SMCO4: variants seen among roughly 807,000 people sequenced by gnomAD.
The protein encoded by SMCO4 is single-pass membrane and coiled-coil domain-containing protein 4.
Under a neutral mutation model 3.6 loss-of-function variants are expected in SMCO4, and 4 were observed. The ratio of observed to expected loss-of-function variants is 1.11; its 90% CI spans 0.54 to 2.53. SMCO4 has a LOEUF of 2.53. Among genes scored for constraint, SMCO4 ranks in the 30% most tolerant of loss-of-function variants. The pLI, the probability that SMCO4 is intolerant of heterozygous loss-of-function variation, is 0.02. For synonymous variants in SMCO4, 36 were observed against 35.3 expected (o/e 1.02, Z -0.07); for missense variants, 70 against 80.8 (o/e 0.87, Z 0.51).
At chr11:93,546,650 G>A (rs759298525), upstream of SMCO4, among the ~76,000 whole-genome samples, 1 of 152,206 alleles carries the variant, frequency 6.6e-6, no homozygotes, top group Non-Finnish European at 1.5e-5. Flanking sequence ...GAACTGGGAT[G>A]ACCAATTCAC....
intron 1 of SMCO4, among the ~76,000 whole-genome samples, chr11:93,501,165 T>C (rs2134597097): frequency 6.6e-6 from 1 of 152,356 alleles, no homozygotes; most frequent in Admixed American, 6.5e-5. Context: ...ACAGGAGTTC[T>C]GCAAACCAGT....
At chr11:93,516,335 A>G (rs1949007610) in intron 1 of SMCO4, among the ~76,000 whole-genome samples, 1 of 152,196 alleles carries the variant, frequency 6.6e-6, no homozygotes, top group Non-Finnish European at 1.5e-5. Context: ...ATAACTGCTA[A>G]GCTCTGTTCT....
chr11:93,552,936 C>T, the SMCO4 span, among the ~76,000 whole-genome samples: 150 of 152,132 alleles, frequency 9.9e-4, no homozygotes, highest in African/African-American at 3.4e-3. Context: ...GCAACTTTCC[C>T]CTAGTGAAGG....
chr11:93,530,471 A>G (rs927103515), intron 1 of SMCO4, among the ~76,000 whole-genome samples: 4 of 152,196 alleles, frequency 2.6e-5, no homozygotes, highest in African/African-American at 9.7e-5. Context: ...GCTGCAAAAT[A>G]TCTAGGCACA....
chr11:93,535,196 C>T (rs886889839), intron 1 of SMCO4, among the ~76,000 whole-genome samples: 1 of 152,156 alleles, frequency 6.6e-6, no homozygotes, highest in Non-Finnish European at 1.5e-5. Context: ...ATTAAAATGT[C>T]CTATTACCAT....
intron 1 of SMCO4, among the ~76,000 whole-genome samples, chr11:93,507,690 G>A (rs1364811925): frequency 6.6e-6 from 1 of 152,172 alleles, no homozygotes; most frequent in Admixed American, 6.5e-5. Context: ...AGTCTATGTT[G>A]CAACAAACCT....
At chr11:93,534,363 T>C (rs12288747) in intron 1 of SMCO4, among the ~76,000 whole-genome samples, 2 of 75,256 alleles carry the variant, frequency 2.7e-5, no homozygotes, top group African/African-American at 4.8e-5. Context: ...CATACATATA[T>C]ATATATATAT....
intron 1 of SMCO4, chr11:93,523,335 ACC>A (rs1238297953): frequency 6.6e-6 from 1 of 151,462 alleles, no homozygotes; most frequent in African/African-American, 2.4e-5. Context: ...AAAAAGACTT[ACC>A]CACTAGACGC....
Position 93,506,437 on chromosome 11 carries a change from C to T in SMCO4, c.-153-7089G>A, listed in dbSNP as rs145230897. On this transcript the variant is annotated intron_variant, in intron 1 of 2. Coordinates refer to ENST00000298966, the MANE Select transcript of SMCO4 (RefSeq NM_020179.3). ...ATTATATTCTCTACTGCCACACACA[C>T]AGCTTTTTTTTTTTTTTTTGAGATG... Among the ~76,000 whole-genome samples the T allele has an allele frequency of 2.5e-3, 380 of 149,302 alleles. 1 individual carries two copies. Among genetic ancestry groups the T allele is most frequent in the African/African-American group, 8.7e-3 (355 of 40,890 alleles).
rs145470026 is a variant in SMCO4 at position 93,492,039 on chromosome 11, G to A, written c.-81+7237C>T. On this transcript the variant is annotated intron_variant, in intron 2 of 2. Transcript: ENST00000298966. ...AGAGCCTGGCTGATGGCAGACAAAC[G>A]GAAAGAATGAGGGACTAACTGAATT... 1.5e-3 allele frequency among the ~76,000 whole-genome samples: 231 copies of A among 152,262 alleles called. 2 individuals carry two copies. Among genetic ancestry groups the A allele is most frequent in the Middle Eastern group, 6.8e-3 (2 of 294 alleles).
At chr11:93,492,886 A>C (rs2134584915) in intron 2 of SMCO4, among the ~76,000 whole-genome samples, 1 of 152,288 alleles carries the variant, frequency 6.6e-6, no homozygotes. Context: ...TTCCTGACAA[A>C]ATTCATATAT....
At chr11:93,479,954 T>G (rs1948572895) in intron 2 of SMCO4, among the ~76,000 whole-genome samples, 1 of 152,186 alleles carries the variant, frequency 6.6e-6, no homozygotes. Flanking sequence ...GGGAGACGGC[T>G]GAGCCCACAG....
intron 2 of SMCO4, among the ~76,000 whole-genome samples, chr11:93,490,751 T>A (rs1352376502): frequency 6.6e-6 from 1 of 152,242 alleles, no homozygotes; most frequent in Non-Finnish European, 1.5e-5. Context: ...TAGATTTAGC[T>A]GCGGCTCTAA....
chr11:93,545,796 C>T (rs1180922734), upstream of SMCO4, among the ~76,000 whole-genome samples: 2 of 152,156 alleles, frequency 1.3e-5, no homozygotes, highest in Non-Finnish European at 2.9e-5. Flanking sequence ...TTGTGACTTC[C>T]TTTAGCTACT....
intron 2 of SMCO4, among the ~76,000 whole-genome samples, chr11:93,484,703 T>TG (rs201281545): frequency 6.8e-6 from 1 of 147,566 alleles, no homozygotes; most frequent in Admixed American, 6.8e-5. Flanking sequence ...TTTTTTTTTT[T>TG]GCACCATATA....
intron 1 of SMCO4, among the ~76,000 whole-genome samples, chr11:93,514,418 ATAT>A (rs1948990374): frequency 2.6e-4 from 16 of 61,730 alleles, no homozygotes; most frequent in African/African-American, 4.0e-4. Context: ...ATATATATAT[ATAT>A]AAAATTTGGT....
At position 93,478,516 on chromosome 11, in the gene SMCO4, T is replaced by G. The variant is rs1948545839; in HGVS notation, c.*494A>C. ...TTATTCAAAAAATAAATATTTCACT[T>G]TGATTCAACATATTTCAAATCACAT... is the stretch of plus-strand genomic sequence containing the variant. On this transcript the variant is annotated 3_prime_UTR_variant, in exon 3 of 3. Transcript: ENST00000298966. 6.6e-6 allele frequency: 1 copy of G among 152,588 alleles called. No homozygotes were observed. The highest frequency in any genetic ancestry group is 1.5e-5 in the Non-Finnish European group (1 of 68,344). The allele number at this position is 152,588 out of a possible 1,614,324, so 9.5% of individuals were successfully genotyped here.
At chr11:93,493,634 C>T (rs1948743849) in intron 2 of SMCO4, among the ~76,000 whole-genome samples, 1 of 152,200 alleles carries the variant, frequency 6.6e-6, no homozygotes, top group Non-Finnish European at 1.5e-5. Flanking sequence ...AGTCCTCTAA[C>T]TAGAATGTGT....
chr11:93,521,699 T>G (rs999527472), intron 1 of SMCO4, among the ~76,000 whole-genome samples: 5 of 152,228 alleles, frequency 3.3e-5, no homozygotes, highest in African/African-American at 1.2e-4. Flanking sequence ...CTTAACATCA[T>G]TCTGACTATT....
Sources: allele counts gnomAD v4.1 joint callset (sites outside exome capture counted in the v4.1 genomes callset), GRCh38; gene constraint gnomAD v4.1.1; transcripts MANE v1.5; gene names NCBI Gene and HGNC (gene_info 2026-07-23, HGNC 2026-07-21).